Variants in FBXL3 observed in about 807,000 individuals in gnomAD.
FBXL3 encodes F-box and leucine rich repeat protein 3.
FBXL3 carries 14 observed loss-of-function variants against 37.9 expected under a neutral mutation model. That is an observed-to-expected ratio of 0.37 (90% CI 0.24 to 0.58). The LOEUF (loss-of-function observed/expected upper bound fraction) is 0.58. Among genes scored for constraint, FBXL3 ranks in the 20% least tolerant of loss-of-function variants. The probability of loss-of-function intolerance (pLI) is 0.74; values close to 1 mark genes in which losing one functional copy is unlikely to be tolerated. For missense variants in FBXL3, 327 were observed against 511.1 expected (o/e 0.64, Z 3.47); for synonymous variants, 194 against 180.1 (o/e 1.08, Z -0.62).
At chr13:77,007,838 T>C (rs753839889) in intron 4 of FBXL3, 50 bp from the exon 5 acceptor site, 1 of 1,491,746 alleles carries the variant, frequency 6.7e-7, no homozygotes, top group East Asian at 2.3e-5. Context: ...AGTTTATCTG[T>C]TGAAAAATTC....
chr13:77,012,325 T>A (rs1253710177), intron 4 of FBXL3, among the ~76,000 whole-genome samples: 5 of 148,006 alleles, frequency 3.4e-5, no homozygotes, highest in African/African-American at 1.2e-4. Context: ...AAAAAAAAAA[T>A]ATGGCAAAAA....
rs2034434305 is a variant in FBXL3 at position 77,005,474 on chromosome 13, A to G, written c.*1671T>C. On this transcript the variant is annotated 3_prime_UTR_variant, in exon 5 of 5. Coordinates refer to ENST00000355619, the MANE Select transcript of FBXL3 (RefSeq NM_012158.4). ...AAATCCATTTTTCCAAAGTTGTTCAAGGAAAAACAACAACTTGACTAGCAC... is the reference window on the plus strand; with the variant it reads ...AAATCCATTTTTCCAAAGTTGTTCAGGGAAAAACAACAACTTGACTAGCAC... 6.6e-6 allele frequency: 1 copy of G among 152,600 alleles called. No individual in the cohort carries two copies. The highest frequency in any genetic ancestry group is 2.4e-5 in the African/African-American group (1 of 41,454). The allele number at this position is 152,600 out of a possible 1,614,324, so 9.5% of individuals were successfully genotyped here.
intron 1 of FBXL3, among the ~76,000 whole-genome samples, chr13:77,024,639 T>C (rs1252956388): frequency 6.6e-6 from 1 of 152,220 alleles, no homozygotes; most frequent in African/African-American, 2.4e-5. Context: ...TTAAATAAAA[T>C]GTACTTAAAT....
intron 1 of FBXL3, among the ~76,000 whole-genome samples, chr13:77,024,534 TA>T (rs1387751256): frequency 6.6e-6 from 1 of 152,166 alleles, no homozygotes; most frequent in Non-Finnish European, 1.5e-5. Context: ...TAAACAAAAA[TA>T]AAATGGTAGC....
intron 4 of FBXL3, chr13:77,014,635 T>C (rs1337472766): frequency 6.6e-6 from 1 of 152,174 alleles, no homozygotes; most frequent in Non-Finnish European, 1.5e-5. Flanking sequence ...GGCAAGAAGG[T>C]TGGAAGTGTT....
rs140067801 is a variant in FBXL3 at position 77,021,423 on chromosome 13, A to C, written c.348+90T>G. 2.0e-4 allele frequency: 197 copies of C among 991,648 alleles called. 1 individual carries two copies. The East Asian group carries it at 4.8e-3, about 24-fold the overall frequency. 61.4% of individuals were successfully genotyped at this position (991,648 alleles called of 1,614,324 possible). A position where few individuals can be genotyped will look rare whatever the true frequency, so the allele number is the denominator to read the frequency against. The stretch of plus-strand genomic sequence containing the variant: ...TTAAGCATTTTCCCTGAAAAAGCAA[A>C]TATTTTAAAGGCATGAGAAGATGTA... On this transcript the variant is annotated intron_variant, in intron 2 of 4. Coordinates refer to ENST00000355619, the MANE Select transcript of FBXL3 (RefSeq NM_012158.4).
intron 1 of FBXL3, among the ~76,000 whole-genome samples, chr13:77,025,330 G>A (rs1236067833): frequency 1.3e-5 from 2 of 152,136 alleles, no homozygotes; most frequent in African/African-American, 4.8e-5. Flanking sequence ...CTTTTGGTGA[G>A]GGACTGATAT....
At position 77,015,579 on chromosome 13, in the gene FBXL3, G is replaced by C. The variant is rs1420774136; in HGVS notation, c.473C>G (p.Ser158Cys). 8 of 1,501,040 alleles carry C rather than the reference G, an allele frequency of 5.3e-6. No individual in the cohort carries two copies. The highest frequency in any genetic ancestry group is 7.1e-6 in the Non-Finnish European group (8 of 1,126,608). The allele number at this position is 1,501,040 out of a possible 1,614,324, so 93.0% of individuals were successfully genotyped here. The change falls in exon 4 of 5, where the codon TCT (serine) becomes TGT (cysteine). Residue 158 changes from serine (S) to cysteine (C), a missense_variant and splice_region_variant. Transcript: ENST00000355619. ...AACTGTCAGTGCAGAGATAAAGTGAGACTGAAAAGCAAAAAAAATAAAATA... is the reference window on the plus strand; with the variant it reads ...AACTGTCAGTGCAGAGATAAAGTGACACTGAAAAGCAAAAAAAATAAAATA... Reference protein sequence around the residue: ...ARPSFMDLPKSHFISALTVVF... With the variant: ...ARPSFMDLPKCHFISALTVVF...
At chr13:77,026,303 G>C (rs1013495047) in intron 1 of FBXL3, 9 of 985,326 alleles carry the variant, frequency 9.1e-6, no homozygotes, top group Admixed American at 1.2e-4. Context: ...TTTTCGCCTG[G>C]CTAAGCGGCA....
chr13:77,023,213 G>A (rs555294234), intron 1 of FBXL3, among the ~76,000 whole-genome samples: 1 of 152,322 alleles, frequency 6.6e-6, no homozygotes, highest in South Asian at 2.1e-4. Flanking sequence ...AGGCTGGAGT[G>A]CAGTGGCACG....
At chr13:77,011,403 T>C (rs2034550818) in intron 4 of FBXL3, among the ~76,000 whole-genome samples, 1 of 138,612 alleles carries the variant, frequency 7.2e-6, no homozygotes, top group African/African-American at 2.8e-5. Flanking sequence ...AAAGAAGATA[T>C]ACAAATGGCC....
Position 77,018,600 on chromosome 13 carries a change from C to G in FBXL3, c.471G>C (p.Lys157Asn). ...TARPSFMDLP[K>N]SHFISALTVV... The stretch of plus-strand genomic sequence containing the variant: ...ATAATAAAACAAAAACAGCAGATAC[C>G]TTTGGTAAATCCATAAAGCTTGGTC... The change falls in exon 3 of 5, where the codon AAG (lysine) becomes AAC (asparagine). Residue 157 changes from lysine to asparagine, a missense_variant and splice_region_variant. Coordinates refer to ENST00000355619, the MANE Select transcript of FBXL3 (RefSeq NM_012158.4). 1 of 1,572,420 alleles carries G rather than the reference C, an allele frequency of 6.4e-7. No homozygotes were observed. The highest frequency in any genetic ancestry group is 8.6e-7 in the Non-Finnish European group (1 of 1,164,722).
chr13:77,009,063 T>A (rs2034500345), intron 4 of FBXL3: 1 of 152,182 alleles, frequency 6.6e-6, no homozygotes, highest in South Asian at 2.1e-4. Context: ...TATTTCTACT[T>A]TGAAGTGGAG....
At chr13:77,010,384 C>A (rs1050294101) in intron 4 of FBXL3, 1 of 152,072 alleles carries the variant, frequency 6.6e-6, no homozygotes, top group Non-Finnish European at 1.5e-5. Context: ...CCTCCAAGAT[C>A]CCACACCCTA....
chr13:77,007,784 G>A lies in FBXL3; in HGVS notation c.648C>T (p.Ile216=). The A allele has an allele frequency of 1.9e-6, 3 of 1,550,918 alleles. No individual in the cohort carries two copies. The highest frequency in any genetic ancestry group is 1.7e-4 in the Middle Eastern group (1 of 5,766). ...CGTGACACTGATCAGCCACACAAAG[G>A]ATACCTTGAAAGAAAAAAAAAATTA... ...SSCPHVSPAG[I]LCVADQCHGL... The change falls in exon 5 of 5, where the codon ATC becomes ATT. Residue 216 remains isoleucine (I), a synonymous_variant. Coordinates refer to ENST00000355619, the MANE Select transcript of FBXL3 (RefSeq NM_012158.4).
Position 77,007,726 on chromosome 13 carries a change from A to G in FBXL3, c.706T>C (p.Leu236=), listed in dbSNP as rs148763415. ...LRELALNYHL[L]SDELLLALSS... ...AATGCAAGTAACAACTCATCACTCAATAAGTGGTAGTTCAGGGCTAGTTCT... is the reference window on the plus strand; with the variant it reads ...AATGCAAGTAACAACTCATCACTCAGTAAGTGGTAGTTCAGGGCTAGTTCT... The change falls in exon 5 of 5, where the codon TTG becomes CTG. Residue 236 remains leucine, a synonymous_variant. Coordinates refer to ENST00000355619, the MANE Select transcript of FBXL3 (RefSeq NM_012158.4). The G allele has an allele frequency of 1.5e-5, 24 of 1,614,046 alleles. No individual in the cohort carries two copies. Among genetic ancestry groups the G allele is most frequent in the Middle Eastern group, 1.6e-4 (1 of 6,062 alleles).
chr13:77,008,389 CA>C (rs759117496), intron 4 of FBXL3, among the ~76,000 whole-genome samples: 15 of 152,164 alleles, frequency 9.9e-5, no homozygotes, highest in Non-Finnish European at 2.1e-4. Context: ...CTACTCAATT[CA>C]CATTAATGGA....
In FBXL3 at chr13:77,021,876, G is replaced by C. The variant is rs780808406; in HGVS notation, c.-1-15C>G. Reference sequence around the variant, plus strand: ...CTCGTTTCATCCTATTCCGAAAAATGCATCAGTTTTTTTCCTACTCAACTT... The same window carrying C: ...CTCGTTTCATCCTATTCCGAAAAATCCATCAGTTTTTTTCCTACTCAACTT... On this transcript the variant is annotated splice_polypyrimidine_tract_variant and intron_variant, in intron 1 of 4. Coordinates refer to ENST00000355619, the MANE Select transcript of FBXL3 (RefSeq NM_012158.4). 1.5e-5 allele frequency: 23 copies of C among 1,563,948 alleles called. No individual in the cohort carries two copies. Among genetic ancestry groups the C allele is most frequent in the Non-Finnish European group, 2.0e-5 (23 of 1,155,632 alleles).
At chr13:77,025,227 T>C (rs911580232) in intron 1 of FBXL3, among the ~76,000 whole-genome samples, 6 of 152,314 alleles carry the variant, frequency 3.9e-5, no homozygotes, top group Admixed American at 1.3e-4. Flanking sequence ...TCTAGAAATC[T>C]AGAGCACCAA....
Sources: allele counts gnomAD v4.1 joint callset (sites outside exome capture counted in the v4.1 genomes callset), GRCh38; gene constraint gnomAD v4.1.1; transcripts MANE v1.5; gene names NCBI Gene and HGNC (gene_info 2026-07-23, HGNC 2026-07-21).